Variants in HPSE2 observed in about 807,000 individuals in gnomAD.
The protein encoded by HPSE2 is heparanase 2 (inactive).
Under a neutral mutation model 60.5 loss-of-function variants are expected in HPSE2, and 38 were observed. The observed-to-expected ratio is 0.63, with a 90% CI of 0.48 to 0.82. The LOEUF is 0.82. HPSE2 is among the 40% of genes least tolerant of loss of function. HPSE2 has a pLI of 0.00. For synonymous variants in HPSE2, 295 were observed against 293.2 expected (o/e 1.01, Z -0.06); for missense variants, 713 against 740.4 (o/e 0.96, Z 0.43).
intron 3 of HPSE2, among the ~76,000 whole-genome samples, chr10:99,118,141 A>C (rs1264862464): frequency 6.6e-6 from 1 of 152,140 alleles, no homozygotes; most frequent in Non-Finnish European, 1.5e-5. Flanking sequence ...ACAAAAAAAA[A>C]CACTATTATC....
chr10:98,966,135 C>T (rs1955809197), intron 3 of HPSE2, among the ~76,000 whole-genome samples: 1 of 152,160 alleles, frequency 6.6e-6, no homozygotes, highest in South Asian at 2.1e-4. Context: ...AAGTGATCTG[C>T]CCACTTCAGC....
At chr10:99,154,774 G>A (rs1453461586) in intron 2 of HPSE2, among the ~76,000 whole-genome samples, 1 of 151,828 alleles carries the variant, frequency 6.6e-6, no homozygotes, top group Admixed American at 6.6e-5. Context: ...AATGTAAAGG[G>A]ACTAAATGCT....
chr10:99,129,487 G>T (rs2135731633), intron 3 of HPSE2, among the ~76,000 whole-genome samples: 1 of 151,990 alleles, frequency 6.6e-6, no homozygotes, highest in South Asian at 2.1e-4. Flanking sequence ...GAAACCCTCA[G>T]AACTATACAA....
the HPSE2 span, among the ~76,000 whole-genome samples, chr10:99,289,264 T>C: frequency 6.6e-6 from 1 of 152,230 alleles, no homozygotes; most frequent in East Asian, 1.9e-4. Flanking sequence ...TTAAACTAAA[T>C]CATAAATAGA....
intron 3 of HPSE2, among the ~76,000 whole-genome samples, chr10:98,993,102 T>G (rs1956564191): frequency 1.3e-5 from 2 of 152,216 alleles, no homozygotes. Context: ...AGTAAAAATT[T>G]AGGCTGTAAA....
intron 2 of HPSE2, among the ~76,000 whole-genome samples, chr10:99,183,940 T>C (rs756405657): frequency 2.4e-4 from 36 of 152,236 alleles, no homozygotes; most frequent in African/African-American, 8.2e-4. Context: ...CAAATTAGCA[T>C]AGACTAAGAA....
intron 9 of HPSE2, among the ~76,000 whole-genome samples, chr10:98,611,758 T>C (rs1945767889): frequency 6.6e-6 from 1 of 152,204 alleles, no homozygotes; most frequent in African/African-American, 2.4e-5. Flanking sequence ...GTGCAGAATT[T>C]ATTAGTGCAA....
chr10:99,180,440 G>A (rs1184016359), intron 2 of HPSE2, among the ~76,000 whole-genome samples: 3 of 152,154 alleles, frequency 2.0e-5, no homozygotes, highest in African/African-American at 7.2e-5. Flanking sequence ...AACAGTGGGT[G>A]AAGGATATGA....
intron 3 of HPSE2, among the ~76,000 whole-genome samples, chr10:98,980,857 T>C (rs1956190360): frequency 6.6e-6 from 1 of 152,318 alleles, no homozygotes; most frequent in Admixed American, 6.5e-5. Context: ...AGACAACATT[T>C]ATGTGTCGGA....
intron 9 of HPSE2, among the ~76,000 whole-genome samples, chr10:98,493,065 T>C (rs1042482898): frequency 3.3e-5 from 5 of 152,220 alleles, no homozygotes; most frequent in African/African-American, 4.8e-5. Context: ...AATGAACTCA[T>C]AGTATTTGTC....
chr10:98,968,854 G>T (rs1485025606), intron 3 of HPSE2, among the ~76,000 whole-genome samples: 1 of 152,062 alleles, frequency 6.6e-6, no homozygotes, highest in East Asian at 1.9e-4. Flanking sequence ...GGAAGGGTGG[G>T]AGGGGGGTCA....
chr10:99,159,401 T>G (rs1358265080), intron 2 of HPSE2, among the ~76,000 whole-genome samples: 3 of 152,170 alleles, frequency 2.0e-5, no homozygotes, highest in Non-Finnish European at 4.4e-5. Flanking sequence ...TAGTTGCTTT[T>G]GCGTGGTGAA....
intron 9 of HPSE2, among the ~76,000 whole-genome samples, chr10:98,553,107 A>T (rs1351069025): frequency 6.6e-6 from 1 of 152,186 alleles, no homozygotes; most frequent in Admixed American, 6.5e-5. Context: ...TTAATTTGAC[A>T]TGTGTGAGTA....
At chr10:99,270,787 A>G in the HPSE2 span, among the ~76,000 whole-genome samples, 1 of 152,212 alleles carries the variant, frequency 6.6e-6, no homozygotes, top group African/African-American at 2.4e-5. Flanking sequence ...ATAATCCACC[A>G]TGACCAAGGG....
the HPSE2 span, among the ~76,000 whole-genome samples, chr10:99,306,695 CT>C: frequency 1.3e-5 from 2 of 151,974 alleles, no homozygotes; most frequent in African/African-American, 4.8e-5. Context: ...TCTTTCTTCA[CT>C]TGTTTTTTTG....
At chr10:98,879,184 T>A (rs372996097) in intron 3 of HPSE2, among the ~76,000 whole-genome samples, 3 of 151,726 alleles carry the variant, frequency 2.0e-5, no homozygotes, top group African/African-American at 7.3e-5. Flanking sequence ...GATATGGGAG[T>A]TTTTACCATG....
At chr10:98,823,638 A>AATAG (rs1018176103) in intron 3 of HPSE2, among the ~76,000 whole-genome samples, 1 of 152,152 alleles carries the variant, frequency 6.6e-6, no homozygotes, top group Non-Finnish European at 1.5e-5. Flanking sequence ...AAAATAAATA[A>AATAG]ATAGATAGAT....
At chr10:99,125,005 T>C (rs573593434) in intron 3 of HPSE2, among the ~76,000 whole-genome samples, 2 of 152,318 alleles carry the variant, frequency 1.3e-5, no homozygotes, top group Non-Finnish European at 2.9e-5. Context: ...AAAGATGACA[T>C]AGTACAGTAT....
At chr10:98,856,828 TA>T (rs900389144) in intron 3 of HPSE2, among the ~76,000 whole-genome samples, 1 of 152,164 alleles carries the variant, frequency 6.6e-6, no homozygotes, top group Admixed American at 6.5e-5. Flanking sequence ...TTATGTTAAG[TA>T]AAAAATCAGA....
Sources: allele counts gnomAD v4.1 joint callset (sites outside exome capture counted in the v4.1 genomes callset), GRCh38; gene constraint gnomAD v4.1.1; transcripts MANE v1.5; gene names NCBI Gene and HGNC (gene_info 2026-07-23, HGNC 2026-07-21).